Variants in MYEOV observed in about 807,000 individuals in gnomAD.
MYEOV encodes the protein myeloma-overexpressed gene protein.
MYEOV carries 4 observed loss-of-function variants against 4.5 expected under a neutral mutation model. The ratio of observed to expected loss-of-function variants is 0.89; its 90% CI spans 0.44 to 2.03. The LOEUF (loss-of-function observed/expected upper bound fraction) is 2.03, where lower values mean the gene tolerates loss of function less well. Ranked by LOEUF, MYEOV falls within the 30% of genes most tolerant of loss-of-function variation. The pLI, the probability that MYEOV is intolerant of heterozygous loss-of-function variation, is 0.03. For synonymous variants in MYEOV, 184 were observed against 170.3 expected (o/e 1.08, Z -0.63); for missense variants, 408 against 412.8 (o/e 0.99, Z 0.10).
In MYEOV at chr11:69,294,920, C is replaced by T. The variant is rs529907648; in HGVS notation, c.-122-313C>T. Among the ~76,000 whole-genome samples the T allele has an allele frequency of 5.3e-5, 8 of 152,348 alleles. No homozygotes were observed. The South Asian group carries it at 1.2e-3, about 24-fold the overall frequency. ...AGCCCAGCTGGCTTCTGCCCAGCCA[C>T]CGTCACACACAGAGGGCAGCCGTCC... On this transcript the variant is annotated intron_variant, in intron 1 of 2. Transcript: ENST00000441339.
chr11:69,296,502 C>A lies in MYEOV; in HGVS notation c.*110C>A. 1.4e-6 allele frequency: 1 copy of A among 717,186 alleles called. No individual in the cohort carries two copies. The highest frequency in any genetic ancestry group is 2.2e-6 in the Non-Finnish European group (1 of 464,652). 44.4% of individuals were successfully genotyped at this position (717,186 alleles called of 1,614,324 possible). A position where few individuals can be genotyped will look rare whatever the true frequency, so the allele number is the denominator to read the frequency against. ...CACTTAACAGATGAGGAAACTGAGG[C>A]CTAGAGAAGCTCAACAAGTTGCCTA... On this transcript the variant is annotated 3_prime_UTR_variant, in exon 3 of 3. Transcript: ENST00000441339.
intron 1 of MYEOV, among the ~76,000 whole-genome samples, chr11:69,294,986 G>A (rs1435004247): frequency 1.3e-5 from 2 of 152,188 alleles, no homozygotes; most frequent in African/African-American, 4.8e-5. Context: ...TGTGCCTGGA[G>A]TCATCTGTGG....
In MYEOV at chr11:69,295,790, G is replaced by A. The variant is rs769942704; in HGVS notation, c.340G>A (p.Gly114Ser). Residue 114 changes from glycine to serine, a missense_variant, in exon 3 of 3, where the codon GGT becomes AGT. Gly to Ser is a moderately conservative substitution (Grantham distance 56). Coordinates refer to ENST00000441339, the MANE Select transcript of MYEOV (RefSeq NM_001293291.2). The surrounding 1 kb of genome is among the most constrained non-coding windows in gnomAD (Gnocchi z 4.1). Reference sequence around the variant, plus strand: ...CCGGGAGAGAAACAAGGGAGACAAGGGTGCCCAGACAGGTGCGGGGCTCAG... The same window carrying A: ...CCGGGAGAGAAACAAGGGAGACAAGAGTGCCCAGACAGGTGCGGGGCTCAG... The part of the protein sequence containing the change: ...GDRERNKGDK[G>S]AQTGAGLSQE... 1.2e-6 allele frequency: 2 copies of A among 1,614,174 alleles called. No homozygotes were observed. Among genetic ancestry groups the A allele is most frequent in the South Asian group, 2.2e-5 (2 of 91,074 alleles).
Position 69,295,106 on chromosome 11 carries a change from C to T in MYEOV, c.-122-127C>T, listed in dbSNP as rs1255753533. The T allele has an allele frequency of 1.8e-5, 10 of 550,866 alleles. No homozygotes were observed. The highest frequency in any genetic ancestry group is 3.7e-5 in the Admixed American group (1 of 26,988). 34.1% of individuals were successfully genotyped at this position (550,866 alleles called of 1,614,324 possible). A position where few individuals can be genotyped will look rare whatever the true frequency, so the allele number is the denominator to read the frequency against. The stretch of plus-strand genomic sequence containing the variant: ...AGCTTCCAGGATCATGAGGTGAAAA[C>T]GTGAAGGGACCCTAGAGGCCATGGG... On this transcript the variant is annotated intron_variant, in intron 1 of 2. Transcript: ENST00000441339. This position sits in a 1 kb window ranked among gnomAD's most constrained non-coding sequence, Gnocchi z 4.1.
Sources: gnomAD v4.1 joint callset for allele counts (sites outside exome capture counted in the v4.1 genomes callset) on GRCh38, gnomAD v4.1.1 for gene constraint, Gnocchi (gnomAD v3.1) non-coding constraint, MANE v1.5 for transcripts, NCBI Gene and HGNC (gene_info 2026-07-23, HGNC 2026-07-21) for gene names.